WDR25: variants seen among roughly 807,000 people sequenced by gnomAD.
WDR25 encodes WD repeat domain 25.
In WDR25, 35 loss-of-function variants were observed where a neutral mutation model predicts 47.7. The ratio of observed to expected loss-of-function variants is 0.73; its 90% confidence interval spans 0.56 to 0.97. WDR25 has a LOEUF of 0.97. Ranked by LOEUF, WDR25 falls within the 50% of genes least tolerant of loss-of-function variation. The pLI is 0.00. For missense variants in WDR25, 634 were observed against 704.7 expected (o/e 0.90, Z 1.14); for synonymous variants, 248 against 278.9 (o/e 0.89, Z 1.10).
chr14:100,418,301 C>T (rs1453683830), intron 2 of WDR25, among the ~76,000 whole-genome samples: 2 of 151,598 alleles, frequency 1.3e-5, no homozygotes, highest in African/African-American at 4.8e-5. Context: ...CACAATGTCA[C>T]CTAGCACTGG....
chr14:100,443,762 TGGGAGCGCTCC>T (rs1402103483), intron 2 of WDR25, among the ~76,000 whole-genome samples: 4 of 152,186 alleles, frequency 2.6e-5, no homozygotes, highest in Non-Finnish European at 4.4e-5. Context: ...TTTCATTAAT[TGGGAGCGCTCC>T]GGGCTGATGT....
rs370176460 is a variant in WDR25 at position 100,440,764 on chromosome 14, C to G, written c.823-27257C>G. ...GATCCATATTACTTCTGATTATTTA[C>G]GAAGGGACAGGCCGGGGGAGGTAAC... On this transcript the variant is annotated intron_variant, in intron 2 of 6. Transcript: ENST00000402312. This position sits in a 1 kb window ranked among gnomAD's most constrained non-coding sequence, Gnocchi z 4.4. Among the ~76,000 whole-genome samples, 3 of 152,182 alleles carry G rather than the reference C, an allele frequency of 2.0e-5. No individual in the cohort carries two copies. Among genetic ancestry groups the G allele is most frequent in the Admixed American group, 1.3e-4 (2 of 15,278 alleles).
chr14:100,376,679 T>C, intron 1 of WDR25, 184 bp downstream of exon 1: 1 of 1,231,470 alleles, frequency 8.1e-7, no homozygotes, highest in Non-Finnish European at 1.0e-6. Context: ...AGCTAACTCC[T>C]ATTCATCCTT....
intron 2 of WDR25, among the ~76,000 whole-genome samples, chr14:100,398,416 A>G (rs894028718): frequency 6.6e-6 from 1 of 152,188 alleles, no homozygotes; most frequent in Non-Finnish European, 1.5e-5. Flanking sequence ...GTTTTATATG[A>G]AAAAGATAAA....
chr14:100,522,660 A>C (rs2029915571), intron 4 of WDR25, among the ~76,000 whole-genome samples: 1 of 152,224 alleles, frequency 6.6e-6, no homozygotes, highest in Non-Finnish European at 1.5e-5. Flanking sequence ...CAGCACCCTT[A>C]GTTCCTCAGC....
intron 2 of WDR25, among the ~76,000 whole-genome samples, chr14:100,397,533 T>C (rs768797356): frequency 6.6e-6 from 1 of 152,172 alleles, no homozygotes; most frequent in Non-Finnish European, 1.5e-5. Flanking sequence ...TCCTGGCTCA[T>C]TGAAAGAAAC....
intron 2 of WDR25, among the ~76,000 whole-genome samples, chr14:100,412,048 A>C (rs1897723530): frequency 6.6e-6 from 1 of 152,162 alleles, no homozygotes; most frequent in Admixed American, 6.5e-5. Context: ...TCTACAAAAA[A>C]TAGAAAAAAT....
intron 2 of WDR25, among the ~76,000 whole-genome samples, chr14:100,442,788 T>C (rs1045551490): frequency 6.6e-6 from 1 of 152,232 alleles, no homozygotes; most frequent in Non-Finnish European, 1.5e-5. Flanking sequence ...ACATTCTATT[T>C]AATAACATTT....
At chr14:100,405,544 G>A (rs1897511148) in intron 2 of WDR25, among the ~76,000 whole-genome samples, 2 of 152,188 alleles carry the variant, frequency 1.3e-5, no homozygotes, top group African/African-American at 2.4e-5. Flanking sequence ...GCCCCCTGGA[G>A]GATCAGTAAC....
chr14:100,510,996 G>A (rs891773167), intron 4 of WDR25, among the ~76,000 whole-genome samples: 10 of 151,774 alleles, frequency 6.6e-5, no homozygotes, highest in African/African-American at 2.4e-4. Context: ...TTCCACCTTT[G>A]TTCTGACTAC....
chr14:100,522,521 A>G (rs906143153), intron 4 of WDR25, among the ~76,000 whole-genome samples: 3 of 152,182 alleles, frequency 2.0e-5, no homozygotes, highest in Non-Finnish European at 4.4e-5. Flanking sequence ...CTGGAAGAAG[A>G]CAATGCATTT....
At chr14:100,472,337 ACG>A (rs1235004249) in intron 3 of WDR25, among the ~76,000 whole-genome samples, 1 of 152,228 alleles carries the variant, frequency 6.6e-6, no homozygotes, top group Non-Finnish European at 1.5e-5. Flanking sequence ...TGGAGGCAGC[ACG>A]CGTGAGAGGG....
At chr14:100,475,877 T>G (rs1047810241) in intron 3 of WDR25, among the ~76,000 whole-genome samples, 4 of 149,196 alleles carry the variant, frequency 2.7e-5, no homozygotes, top group Admixed American at 2.0e-4. Context: ...CATCACATTG[T>G]ACCCCCAAAT....
chr14:100,459,841 C>T (rs73349449), intron 2 of WDR25, among the ~76,000 whole-genome samples: 11,789 of 142,116 alleles, frequency 0.083, 1,362 homozygotes, highest in African/African-American at 0.26. Flanking sequence ...GTACTCTAGT[C>T]ATGGCAGCCC....
At chr14:100,443,377 C>T (rs757556369) in intron 2 of WDR25, among the ~76,000 whole-genome samples, 1 of 151,740 alleles carries the variant, frequency 6.6e-6, no homozygotes, top group Non-Finnish European at 1.5e-5. Context: ...TGCCTTGCTT[C>T]GCCCCATCTA....
intron 4 of WDR25, among the ~76,000 whole-genome samples, chr14:100,485,797 C>G (rs1174881341): frequency 6.6e-6 from 1 of 152,160 alleles, no homozygotes; most frequent in African/African-American, 2.4e-5. Flanking sequence ...CCGGAAGACC[C>G]TTTCCTGACA....
At chr14:100,382,490 G>A (rs1399963871) in intron 2 of WDR25, among the ~76,000 whole-genome samples, 2 of 152,190 alleles carry the variant, frequency 1.3e-5, no homozygotes, top group African/African-American at 2.4e-5. Context: ...AAGGTTGCAC[G>A]TGCCCTTCTG....
At chr14:100,520,469 T>C (rs2029867097) in intron 4 of WDR25, among the ~76,000 whole-genome samples, 1 of 152,218 alleles carries the variant, frequency 6.6e-6, no homozygotes, top group Non-Finnish European at 1.5e-5. Context: ...AGTGTATATC[T>C]AATTAGGATT....
At chr14:100,466,130 G>C (rs773514308) in intron 2 of WDR25, among the ~76,000 whole-genome samples, 1 of 152,080 alleles carries the variant, frequency 6.6e-6, no homozygotes, top group Non-Finnish European at 1.5e-5. Flanking sequence ...ATTCCACTTT[G>C]AAGTCTTCTG....
Sources: gnomAD v4.1 joint callset for allele counts (sites outside exome capture counted in the v4.1 genomes callset) on GRCh38, gnomAD v4.1.1 for gene constraint, Gnocchi (gnomAD v3.1) non-coding constraint, MANE v1.5 for transcripts, NCBI Gene and HGNC (gene_info 2026-07-23, HGNC 2026-07-21) for gene names.